Variants in GMDS observed in about 807,000 individuals in gnomAD.
GMDS encodes the protein GDP-mannose 4,6 dehydratase.
GMDS carries 20 observed loss-of-function variants against 49.9 expected under a neutral mutation model. The ratio of observed to expected loss-of-function variants is 0.40; its 90% confidence interval spans 0.28 to 0.58. The LOEUF is 0.58. Among genes scored for constraint, GMDS ranks in the 20% least tolerant of loss-of-function variants. The pLI, the probability that GMDS is intolerant of heterozygous loss-of-function variation, is 0.42. For missense variants in GMDS, 362 were observed against 481.4 expected (o/e 0.75, Z 2.32); for synonymous variants, 177 against 178.6 (o/e 0.99, Z 0.07).
chr6:2,034,863 A>G (rs1769195124), intron 4 of GMDS, among the ~76,000 whole-genome samples: 1 of 152,176 alleles, frequency 6.6e-6, no homozygotes, highest in Admixed American at 6.5e-5. Flanking sequence ...AAGCCAGCCA[A>G]TCCGTTTCTG....
At chr6:1,889,659 C>T (rs980736651) in intron 7 of GMDS, among the ~76,000 whole-genome samples, 3 of 152,158 alleles carry the variant, frequency 2.0e-5, no homozygotes, top group African/African-American at 7.2e-5. Flanking sequence ...AATTCACATA[C>T]AAACAGATTG....
In GMDS at chr6:2,047,861, A is replaced by G. The variant is rs139871664; in HGVS notation, c.345+67910T>C. 8.8e-3 allele frequency among the ~76,000 whole-genome samples: 1,343 copies of G among 152,330 alleles called. 20 individuals are homozygous for G. The highest frequency in any genetic ancestry group is 0.031 in the African/African-American group (1,284 of 41,566). ...TAAATATTTTTTTAAATGCACTGTC[A>G]CCATTTAAAGGAAATTCCACAAGGA... is the stretch of plus-strand genomic sequence containing the variant. On this transcript the variant is annotated intron_variant, in intron 4 of 10. Coordinates refer to ENST00000380815, the MANE Select transcript of GMDS (RefSeq NM_001500.4).
chr6:1,645,476 G>C (rs968547239), intron 9 of GMDS, among the ~76,000 whole-genome samples: 3 of 152,340 alleles, frequency 2.0e-5, no homozygotes, highest in Admixed American at 2.0e-4. Flanking sequence ...GCATGCTCGA[G>C]TGCCCGGGGA....
chr6:1,905,745 G>T (rs13219073), intron 7 of GMDS, among the ~76,000 whole-genome samples: 7 of 134,054 alleles, frequency 5.2e-5, no homozygotes, highest in South Asian at 4.9e-4. Flanking sequence ...GCGTGTAGGT[G>T]GGACCTCAAA....
chr6:2,032,105 G>A (rs940438623), intron 4 of GMDS, among the ~76,000 whole-genome samples: 1 of 152,102 alleles, frequency 6.6e-6, no homozygotes, highest in African/African-American at 2.4e-5. Context: ...CCAAAGGGTG[G>A]AATAAAATCC....
chr6:1,823,747 G>A (rs1173412571), intron 7 of GMDS, among the ~76,000 whole-genome samples: 1 of 152,156 alleles, frequency 6.6e-6, no homozygotes, highest in African/African-American at 2.4e-5. Context: ...TAGGCACAGA[G>A]GGTCTATGGA....
At position 2,057,536 on chromosome 6, in the gene GMDS, C is replaced by A. The variant is rs1348016555; in HGVS notation, c.345+58235G>T. 5.9e-5 allele frequency among the ~76,000 whole-genome samples: 9 copies of A among 152,268 alleles called. 1 individual carries two copies. In the South Asian group the frequency reaches 1.9e-3, roughly 32 times the overall value. On this transcript the variant is annotated intron_variant, in intron 4 of 10. Transcript: ENST00000380815. ...CTCATGTCTTTGTTACCCACTCTTG[C>A]CAAGAAATTAACAATTCCACCAATA... is the stretch of plus-strand genomic sequence containing the variant.
intron 7 of GMDS, among the ~76,000 whole-genome samples, chr6:1,747,348 A>G (rs577245615): frequency 6.6e-6 from 1 of 152,292 alleles, no homozygotes; most frequent in African/African-American, 2.4e-5. Context: ...GGCATCCATG[A>G]ATAACAAGAT....
chr6:1,972,094 T>C (rs1163132614), intron 4 of GMDS, among the ~76,000 whole-genome samples: 1 of 152,202 alleles, frequency 6.6e-6, no homozygotes, highest in East Asian at 1.9e-4. Context: ...AACTCCGTGG[T>C]CACAATTCTT....
At chr6:1,809,698 G>C (rs961770212) in intron 7 of GMDS, among the ~76,000 whole-genome samples, 4 of 152,024 alleles carry the variant, frequency 2.6e-5, no homozygotes, top group Admixed American at 2.6e-4. Flanking sequence ...ACAAAGAAGA[G>C]GGCTAGTGAA....
At chr6:1,669,123 T>A (rs553430321) in intron 9 of GMDS, among the ~76,000 whole-genome samples, 6 of 152,240 alleles carry the variant, frequency 3.9e-5, no homozygotes, top group Admixed American at 3.9e-4. Context: ...ATTAAAAGAA[T>A]TATTATAATT....
intron 4 of GMDS, among the ~76,000 whole-genome samples, chr6:1,994,338 G>C (rs1296396499): frequency 6.6e-6 from 1 of 152,080 alleles, no homozygotes; most frequent in Non-Finnish European, 1.5e-5. Context: ...TACACTCTTA[G>C]GTGATATTAA....
At position 1,910,745 on chromosome 6, in the gene GMDS, G is replaced by T. The variant is rs76841216; in HGVS notation, c.771+19358C>A. ...AGCCTCAGTCTGAGGAAAGTGTAGGGATAAGACTGAATATTCCATCTAGAG... is the reference window on the plus strand; with the variant it reads ...AGCCTCAGTCTGAGGAAAGTGTAGGTATAAGACTGAATATTCCATCTAGAG... On this transcript the variant is annotated intron_variant, in intron 7 of 10. Transcript: ENST00000380815. Among the ~76,000 whole-genome samples the T allele has an allele frequency of 9.0e-3, 1,371 of 152,246 alleles. 6 individuals are homozygous for T. Among genetic ancestry groups the T allele is most frequent in the Middle Eastern group, 0.048 (14 of 294 alleles).
At chr6:2,037,897 T>C (rs1399074434) in intron 4 of GMDS, among the ~76,000 whole-genome samples, 9 of 152,032 alleles carry the variant, frequency 5.9e-5, no homozygotes. Context: ...GCGGTAAAAA[T>C]AAATAAATAA....
In GMDS at chr6:1,854,739, TC is replaced by T. The variant is rs1460400792; in HGVS notation, c.771+75363del. Among the ~76,000 whole-genome samples, 3 of 152,218 alleles carry T rather than the reference TC, an allele frequency of 2.0e-5. No homozygotes were observed. In the East Asian group the frequency reaches 5.8e-4, roughly 29 times the overall value. ...GGCCACATTCATGAGCAGCCTTATC[TC>T]CAATGTCTTGAGATTGTCTTGTCTT... On this transcript the variant is annotated intron_variant, in intron 7 of 10. Transcript: ENST00000380815.
chr6:2,223,378 G>A (rs1158003818), intron 1 of GMDS, among the ~76,000 whole-genome samples: 1 of 151,884 alleles, frequency 6.6e-6, no homozygotes, highest in Non-Finnish European at 1.5e-5. Flanking sequence ...CCCAGGGCAA[G>A]AGAGAGCCAC....
At chr6:1,944,059 A>T (rs1762943548) in intron 6 of GMDS, among the ~76,000 whole-genome samples, 1 of 152,236 alleles carries the variant, frequency 6.6e-6, no homozygotes, top group African/African-American at 2.4e-5. Context: ...GCTTTACTTC[A>T]GAATTGATAG....
At chr6:2,159,584 T>C (rs776398218) in intron 1 of GMDS, among the ~76,000 whole-genome samples, 9 of 147,776 alleles carry the variant, frequency 6.1e-5, no homozygotes, top group Non-Finnish European at 1.2e-4. Flanking sequence ...AGTGGCATGA[T>C]CTCGGCTCAC....
At chr6:2,209,682 C>A (rs755916411) in intron 1 of GMDS, among the ~76,000 whole-genome samples, 1 of 151,814 alleles carries the variant, frequency 6.6e-6, no homozygotes, top group South Asian at 2.1e-4. Context: ...CATTATCAAA[C>A]GTGCATTTAT....
Sources: allele counts gnomAD v4.1 joint callset (sites outside exome capture counted in the v4.1 genomes callset), GRCh38; gene constraint gnomAD v4.1.1; transcripts MANE v1.5; gene names NCBI Gene and HGNC (gene_info 2026-07-23, HGNC 2026-07-21).